BICD1: variants seen among roughly 807,000 people sequenced by gnomAD.
BICD1 encodes protein bicaudal D homolog 1.
A neutral mutation model predicts 92.5 loss-of-function variants in BICD1; 35 were observed. The ratio of observed to expected loss-of-function variants is 0.38; its 90% CI spans 0.29 to 0.50. The LOEUF (loss-of-function observed/expected upper bound fraction) is 0.50, where lower values mean the gene tolerates loss of function less well. BICD1 is among the 20% of genes least tolerant of loss of function. The pLI is 0.93. For synonymous variants in BICD1, 429 were observed against 465.1 expected (o/e 0.92, Z 1.00); for missense variants, 950 against 1,189.8 (o/e 0.80, Z 2.97).
chr12:32,255,760 A>G (rs1278246882), intron 2 of BICD1, among the ~76,000 whole-genome samples: 1 of 152,120 alleles, frequency 6.6e-6, no homozygotes, highest in Non-Finnish European at 1.5e-5. Flanking sequence ...TTCAGGTCTC[A>G]CTTAAGTGTC....
intron 2 of BICD1, among the ~76,000 whole-genome samples, chr12:32,217,310 T>C (rs1945389180): frequency 6.6e-6 from 1 of 152,250 alleles, no homozygotes; most frequent in Non-Finnish European, 1.5e-5. Context: ...TAGTTGAGCA[T>C]TTTAGTGATA....
chr12:32,232,345 T>C (rs1945916601), intron 2 of BICD1, among the ~76,000 whole-genome samples: 1 of 151,930 alleles, frequency 6.6e-6, no homozygotes, highest in Non-Finnish European at 1.5e-5. Flanking sequence ...CCAGTGATGG[T>C]GAGCATTTTT....
intron 8 of BICD1, among the ~76,000 whole-genome samples, chr12:32,360,241 A>G (rs1486858344): frequency 6.6e-6 from 1 of 152,194 alleles, no homozygotes. Flanking sequence ...AAGAAAGCAC[A>G]CGTCCCTTTT....
intron 1 of BICD1, among the ~76,000 whole-genome samples, chr12:32,175,359 C>G (rs1346107444): frequency 1.3e-5 from 2 of 152,188 alleles, no homozygotes; most frequent in Non-Finnish European, 2.9e-5. Context: ...CTCTGTCACC[C>G]AGGCTGGAGT....
At chr12:32,372,480 TA>T (rs960651260) in intron 9 of BICD1, among the ~76,000 whole-genome samples, 39 of 150,434 alleles carry the variant, frequency 2.6e-4, no homozygotes, top group African/African-American at 5.1e-4. Flanking sequence ...GACTCCATCT[TA>T]AAAAAAAAAT....
intron 8 of BICD1, among the ~76,000 whole-genome samples, chr12:32,349,027 G>T (rs1291788905): frequency 6.6e-6 from 1 of 152,020 alleles, no homozygotes; most frequent in Admixed American, 6.6e-5. Flanking sequence ...CAAATCCACA[G>T]TTTCTTTGGT....
At position 32,264,164 on chromosome 12, in the gene BICD1, G is replaced by A. The variant is rs542066790; in HGVS notation, c.427-29830G>A. Among the ~76,000 whole-genome samples the A allele has an allele frequency of 9.2e-5, 14 of 152,248 alleles. 1 individual carries two copies. In the East Asian group the frequency reaches 1.7e-3, roughly 19 times the overall value. ...TACCTATCTCACAATGCTGTTGTGA[G>A]GAGTAAATGAATTATTATGTACTAA... On this transcript the variant is annotated intron_variant, in intron 2 of 9. Transcript: ENST00000652176.
intron 6 of BICD1, among the ~76,000 whole-genome samples, chr12:32,335,293 G>T (rs2136276652): frequency 6.6e-6 from 1 of 152,168 alleles, no homozygotes; most frequent in Non-Finnish European, 1.5e-5. Flanking sequence ...TGGGAATACA[G>T]GCACCTGCCA....
At chr12:32,273,688 C>A (rs1947201699) in intron 2 of BICD1, among the ~76,000 whole-genome samples, 1 of 152,170 alleles carries the variant, frequency 6.6e-6, no homozygotes, top group South Asian at 2.1e-4. Flanking sequence ...ACTAGCTAGT[C>A]CATTTCATCC....
At chr12:32,326,029 G>A (rs1352786070) in intron 4 of BICD1, among the ~76,000 whole-genome samples, 2 of 143,576 alleles carry the variant, frequency 1.4e-5, no homozygotes, top group Non-Finnish European at 3.0e-5. Flanking sequence ...CTTGCAGTGA[G>A]CCGAGATCGC....
chr12:32,328,154 G>T lies in BICD1; in HGVS notation c.1699G>T (p.Gly567Cys), dbSNP rs199952837. The T allele has an allele frequency of 1.3e-4, 213 of 1,613,996 alleles. No homozygotes were observed. Among genetic ancestry groups the T allele is most frequent in the Non-Finnish European group, 1.8e-4 (208 of 1,180,032 alleles). Residue 567 changes from glycine to cysteine, a missense_variant, in exon 5 of 10, where the codon GGT becomes TGT. Around this residue, in one of 5 missense-constraint regions of BICD1, gnomAD observed 309 missense variants for 499.4 expected, o/e 0.62. Transcript: ENST00000652176. The surrounding 1 kb of genome is among the most constrained non-coding windows in gnomAD (Gnocchi z 4.4). ...TTTGTCCCCACGATTAGCCAGGCGG[G>T]GTGTGTCATCCCCGGTAGAAACAAG... ...GLLSPRLARR[G>C]VSSPVETRTS...
At chr12:32,124,761 GGA>G (rs1327145548) in intron 1 of BICD1, among the ~76,000 whole-genome samples, 1 of 152,114 alleles carries the variant, frequency 6.6e-6, no homozygotes. Context: ...AGGGAAGGCT[GGA>G]GAGAGTGCTG....
chr12:32,174,652 G>C (rs1408404735), intron 1 of BICD1, among the ~76,000 whole-genome samples: 1 of 152,126 alleles, frequency 6.6e-6, no homozygotes, highest in Non-Finnish European at 1.5e-5. Flanking sequence ...CAGATTTTCT[G>C]TTCTATTCCC....
intron 3 of BICD1, among the ~76,000 whole-genome samples, chr12:32,301,056 C>T (rs1049781436): frequency 2.6e-5 from 4 of 152,120 alleles, no homozygotes; most frequent in South Asian, 4.1e-4. Context: ...ACACTGAGGG[C>T]AATCCTTGCT....
chr12:32,271,723 G>A (rs536666378), intron 2 of BICD1, among the ~76,000 whole-genome samples: 5 of 152,244 alleles, frequency 3.3e-5, no homozygotes, highest in African/African-American at 1.2e-4. Context: ...GAGTCCTCCT[G>A]GGTGACCCTC....
intron 3 of BICD1, among the ~76,000 whole-genome samples, chr12:32,300,351 C>T (rs1044070966): frequency 6.6e-6 from 1 of 152,106 alleles, no homozygotes; most frequent in Admixed American, 6.5e-5. Flanking sequence ...GATCCTCCTG[C>T]CTCGGCCTCC....
chr12:32,139,120 AT>A (rs1163566492), intron 1 of BICD1, among the ~76,000 whole-genome samples: 1 of 152,156 alleles, frequency 6.6e-6, no homozygotes, highest in African/African-American at 2.4e-5. Flanking sequence ...CAGTGCTGTT[AT>A]TTAGCAGCTG....
intron 4 of BICD1, among the ~76,000 whole-genome samples, chr12:32,326,255 T>C (rs969227296): frequency 1.8e-4 from 27 of 152,122 alleles, no homozygotes; most frequent in African/African-American, 6.0e-4. Flanking sequence ...TGATACTTCT[T>C]ATAGAACAAT....
intron 4 of BICD1, among the ~76,000 whole-genome samples, chr12:32,324,566 C>CTTTTCT (rs59612395): frequency 0.73 from 109,006 of 149,888 alleles, 39,925 homozygotes; most frequent in East Asian, 0.84. Context: ...CTGTACTGTA[C>CTTTTCT]TTTTCTTTTT....
Sources: gnomAD v4.1 joint callset for allele counts (sites outside exome capture counted in the v4.1 genomes callset) on GRCh38, gnomAD v4.1.1 for gene constraint, gnomAD v4.1.1 regional missense constraint, Gnocchi (gnomAD v3.1) non-coding constraint, MANE v1.5 for transcripts, NCBI Gene and HGNC (gene_info 2026-07-23, HGNC 2026-07-21) for gene names.